Variants in CD86 observed in about 807,000 individuals in gnomAD.
CD86 encodes T-lymphocyte activation antigen CD86.
CD86 carries 11 observed loss-of-function variants against 32.1 expected under a neutral mutation model. The ratio of observed to expected loss-of-function variants is 0.34; its 90% CI spans 0.22 to 0.57. The LOEUF is 0.57. CD86 is among the 20% of genes least tolerant of loss of function. The pLI is 0.86. For synonymous variants in CD86, 137 were observed against 135.3 expected (o/e 1.01, Z -0.09); for missense variants, 359 against 398.4 (o/e 0.90, Z 0.84).
intron 5 of CD86, among the ~76,000 whole-genome samples, chr3:122,114,352 G>A (rs1455876505): frequency 6.6e-6 from 1 of 152,106 alleles, no homozygotes; most frequent in Admixed American, 6.5e-5. Flanking sequence ...ACTGCTATAG[G>A]AATTGCCCTC....
chr3:122,084,139 AC>A (rs1015242912), intron 1 of CD86, among the ~76,000 whole-genome samples: 8 of 152,158 alleles, frequency 5.3e-5, no homozygotes, highest in African/African-American at 1.9e-4. Context: ...GGTGCCCGCC[AC>A]TATGCCCAGC....
intron 2 of CD86, among the ~76,000 whole-genome samples, chr3:122,095,166 T>C (rs1270609115): frequency 7.9e-6 from 1 of 126,464 alleles, no homozygotes; most frequent in African/African-American, 2.8e-5. Context: ...TTTCTTCACT[T>C]TAAGATTTTT....
intron 2 of CD86, among the ~76,000 whole-genome samples, chr3:122,097,351 C>T (rs2072923887): frequency 6.6e-6 from 1 of 152,164 alleles, no homozygotes; most frequent in South Asian, 2.1e-4. Context: ...ATGTCAGGTG[C>T]TCAGCTGAGC....
chr3:122,098,324 G>A (rs1038549933), intron 2 of CD86, among the ~76,000 whole-genome samples: 1 of 152,196 alleles, frequency 6.6e-6, no homozygotes, highest in African/African-American at 2.4e-5. Flanking sequence ...TGAAGGAGAA[G>A]CTATGAGACT....
At chr3:122,067,967 A>T (rs1475622200) in intron 1 of CD86, among the ~76,000 whole-genome samples, 1 of 152,208 alleles carries the variant, frequency 6.6e-6, no homozygotes, top group Non-Finnish European at 1.5e-5. Flanking sequence ...CTACAAGCCC[A>T]GGTTGACAAA....
intron 3 of CD86, among the ~76,000 whole-genome samples, chr3:122,105,777 T>C (rs59331099): frequency 0.018 from 2,679 of 152,148 alleles, 73 homozygotes; most frequent in African/African-American, 0.061. Flanking sequence ...ACTCTGTCAG[T>C]TCCTGGTGAG....
intron 3 of CD86, 106 bp downstream of exon 3, chr3:122,103,953 G>A: frequency 2.2e-6 from 2 of 891,880 alleles, no homozygotes; most frequent in Non-Finnish European, 1.8e-6. Flanking sequence ...GGGGAAAAGG[G>A]GGGTCTATAG....
intron 2 of CD86, among the ~76,000 whole-genome samples, chr3:122,094,801 A>C (rs1045405499): frequency 2.0e-5 from 3 of 152,208 alleles, no homozygotes; most frequent in Non-Finnish European, 4.4e-5. Context: ...CTTGAGGATA[A>C]AATTGGATGG....
chr3:122,068,260 C>T (rs139079973), intron 1 of CD86, among the ~76,000 whole-genome samples: 112 of 152,058 alleles, frequency 7.4e-4, no homozygotes, highest in African/African-American at 2.7e-3. Context: ...CTTTCACGGA[C>T]CTTCATGCTT....
chr3:122,098,493 G>A (rs1274770993), intron 2 of CD86, among the ~76,000 whole-genome samples: 1 of 152,152 alleles, frequency 6.6e-6, no homozygotes, highest in Non-Finnish European at 1.5e-5. Context: ...AATTACATGA[G>A]GTCTTGTAAG....
intron 1 of CD86, among the ~76,000 whole-genome samples, chr3:122,089,186 G>A (rs988796419): frequency 1.3e-5 from 2 of 152,134 alleles, no homozygotes; most frequent in Non-Finnish European, 2.9e-5. Context: ...AGAAAGAAGA[G>A]TTATTGTTTA....
chr3:122,074,764 C>T (rs995503497), intron 1 of CD86, among the ~76,000 whole-genome samples: 3 of 152,156 alleles, frequency 2.0e-5, no homozygotes, highest in Non-Finnish European at 4.4e-5. Context: ...TGTAGCCTGT[C>T]CTCCTCTGGT....
chr3:122,059,517 C>G (rs2072293218), intron 1 of CD86, among the ~76,000 whole-genome samples: 1 of 141,310 alleles, frequency 7.1e-6, no homozygotes, highest in African/African-American at 2.6e-5. Flanking sequence ...GCCTGGGTGA[C>G]AGAGTGAGAC....
At chr3:122,082,758 T>C (rs2107518351) in intron 1 of CD86, among the ~76,000 whole-genome samples, 1 of 152,352 alleles carries the variant, frequency 6.6e-6, no homozygotes, top group South Asian at 2.1e-4. Flanking sequence ...TTAGTCTCTC[T>C]TTTCAGGCTT....
chr3:122,061,339 A>G (rs2072331956), intron 1 of CD86, among the ~76,000 whole-genome samples: 1 of 152,326 alleles, frequency 6.6e-6, no homozygotes, highest in African/African-American at 2.4e-5. Context: ...CTTTTTTTCA[A>G]GTCTATTTAG....
At position 122,106,420 on chromosome 3, in the gene CD86, C is replaced by T; in HGVS notation, c.623C>T (p.Pro208Leu). The change falls in exon 4 of 7, where the codon CCT becomes CTT. Residue 208 changes from proline (P) to leucine (L), a missense_variant. Pro to Leu is a moderately conservative substitution (Grantham distance 98). Coordinates refer to ENST00000330540, the MANE Select transcript of CD86 (RefSeq NM_175862.5). The stretch of plus-strand genomic sequence containing the variant: ...TCCATCAGCTTGTCTGTTTCATTCC[C>T]TGATGTTACGAGCAATATGACCATC... ...DVSISLSVSF[P>L]DVTSNMTIFC... 6.2e-7 allele frequency: 1 copy of T among 1,614,036 alleles called. No homozygotes were observed. The highest frequency in any genetic ancestry group is 1.1e-5 in the South Asian group (1 of 91,062).
intron 1 of CD86, among the ~76,000 whole-genome samples, chr3:122,077,424 G>T (rs532806522): frequency 1.3e-5 from 2 of 152,336 alleles, no homozygotes; most frequent in South Asian, 2.1e-4. Flanking sequence ...TGAAGGTTGT[G>T]TATGTCAATT....
At chr3:122,090,868 G>A (rs72965471) in intron 1 of CD86, among the ~76,000 whole-genome samples, 1,624 of 152,190 alleles carry the variant, frequency 0.011, 18 homozygotes, top group African/African-American at 0.037. Context: ...TCCTTAGGCC[G>A]GCAGCATTGT....
At chr3:122,080,481 C>G (rs566765643) in intron 1 of CD86, among the ~76,000 whole-genome samples, 2 of 152,024 alleles carry the variant, frequency 1.3e-5, no homozygotes, top group Non-Finnish European at 2.9e-5. Context: ...GTGAGGGGAA[C>G]GCATTCTTCA....
Sources: allele counts gnomAD v4.1 joint callset (sites outside exome capture counted in the v4.1 genomes callset), GRCh38; gene constraint gnomAD v4.1.1; transcripts MANE v1.5; gene names NCBI Gene and HGNC (gene_info 2026-07-23, HGNC 2026-07-21).